Variants in DDB2 observed in about 807,000 individuals in gnomAD.
The protein encoded by DDB2 is damage specific DNA binding protein 2.
In DDB2, 27 loss-of-function variants were observed where a neutral mutation model predicts 50.5. The ratio of observed to expected loss-of-function variants is 0.53; its 90% CI spans 0.39 to 0.74. The LOEUF (loss-of-function observed/expected upper bound fraction) is 0.74, where lower values mean the gene tolerates loss of function less well. DDB2 is among the 30% of genes least tolerant of loss of function. The pLI, the probability that DDB2 is intolerant of heterozygous loss-of-function variation, is 0.00. For synonymous variants in DDB2, 176 were observed against 205.5 expected, an observed-to-expected ratio of 0.86 and a Z score of 1.23; for missense variants, 424 against 545.6, an observed-to-expected ratio of 0.78 and a Z score of 2.22.
intron 3 of DDB2, among the ~76,000 whole-genome samples, chr11:47,221,019 C>T (rs1390705941): frequency 1.3e-5 from 2 of 151,606 alleles, no homozygotes; most frequent in Non-Finnish European, 2.9e-5. Flanking sequence ...AAAAATTAGC[C>T]GGGAGTAGTG....
At chr11:47,235,542 G>C in intron 7 of DDB2, 130 bp downstream of exon 7, 1 of 945,406 alleles carries the variant, frequency 1.1e-6, no homozygotes, top group Admixed American at 2.0e-5. Flanking sequence ...CGAGCACAGA[G>C]CATCTCTTAC....
chr11:47,220,085 A>C (rs1953461658), intron 3 of DDB2: 1 of 152,716 alleles, frequency 6.5e-6, no homozygotes, highest in Non-Finnish European at 1.5e-5. Flanking sequence ...CACTGCACCC[A>C]GCCAGCAGGA....
rs1402729333 is a variant in DDB2, at chr11:47,234,576, C to A, written c.606C>A (p.Ile202=). Residue 202 remains isoleucine (I), a synonymous_variant, in exon 5 of 10, where the codon ATC becomes ATA. Coordinates refer to ENST00000256996, the MANE Select transcript of DDB2 (RefSeq NM_000107.3). The part of the protein sequence containing the change: ...RVFASSDTIN[I]WFCSLDVSAS... Reference sequence around the variant, plus strand: ...ACAACACAGTCTCTCCCTCCAGCATCTGGTTTTGTAGCCTGGATGTGTCTG... The same window carrying A: ...ACAACACAGTCTCTCCCTCCAGCATATGGTTTTGTAGCCTGGATGTGTCTG... 2.5e-6 allele frequency: 4 copies of A among 1,613,802 alleles called. No homozygotes were observed. The Admixed American group carries it at 6.7e-5, about 27-fold the overall frequency.
chr11:47,225,256 A>G (rs1463478168), intron 3 of DDB2, among the ~76,000 whole-genome samples: 1 of 17,388 alleles, frequency 5.8e-5, no homozygotes, highest in Non-Finnish European at 3.9e-4. Flanking sequence ...TGTGTCTTTA[A>G]AAAAAAAAAA....
At chr11:47,220,139 G>A (rs945314158) in intron 3 of DDB2, 2 of 152,458 alleles carry the variant, frequency 1.3e-5, no homozygotes, top group Admixed American at 6.6e-5. Context: ...CACCAGAAAA[G>A]GCCAGGTTAG....
At chr11:47,214,879 G>T (rs4647706), upstream of DDB2, 1,317 of 530,316 alleles carry the variant, frequency 2.5e-3, 13 homozygotes, top group African/African-American at 0.023. Flanking sequence ...TCCCGGGAGC[G>T]CTGGCACCGC....
At chr11:47,219,405 G>C (rs954322762) in intron 3 of DDB2, among the ~76,000 whole-genome samples, 1 of 151,912 alleles carries the variant, frequency 6.6e-6, no homozygotes, top group Non-Finnish European at 1.5e-5. Flanking sequence ...CTGTCACCCA[G>C]GCTGGAGTGC....
intron 2 of DDB2, 121 bp downstream of exon 2, chr11:47,216,593 T>C: frequency 5.7e-6 from 8 of 1,415,760 alleles, no homozygotes; most frequent in Non-Finnish European, 7.8e-6. Flanking sequence ...TCACCCAGAC[T>C]GTGGTGACTG....
intron 7 of DDB2, among the ~76,000 whole-genome samples, chr11:47,236,413 G>C (rs1286702124): frequency 6.6e-6 from 1 of 152,140 alleles, no homozygotes; most frequent in Non-Finnish European, 1.5e-5. Flanking sequence ...ACTGAGCTCT[G>C]CTAGTTCTGC....
At chr11:47,232,063 G>A (rs1296768858) in intron 3 of DDB2, among the ~76,000 whole-genome samples, 2 of 152,124 alleles carry the variant, frequency 1.3e-5, no homozygotes, top group Non-Finnish European at 2.9e-5. Flanking sequence ...ATGAAGGGAG[G>A]CGGGGCACGG....
In DDB2 at chr11:47,237,929, C is replaced by G; in HGVS notation, c.1116C>G (p.Ile372Met). The change falls in exon 8 of 10, where the codon ATC becomes ATG. Residue 372 changes from isoleucine (I) to methionine (M), a missense_variant. Transcript: ENST00000256996. ...GTACCCCTTATGAATTGAGGACGAT[C>G]GACGTGTTCGATGGAAACTCAGGGA... ...KSCTPYELRT[I>M]DVFDGNSGKM... 1 of 1,614,076 alleles carries G rather than the reference C, an allele frequency of 6.2e-7. No homozygotes were observed. The highest frequency in any genetic ancestry group is 8.5e-7 in the Non-Finnish European group (1 of 1,180,014).
chr11:47,215,302 T>TA, intron 1 of DDB2, 39 bp downstream of exon 1: 1 of 1,612,486 alleles, frequency 6.2e-7, no homozygotes, highest in East Asian at 2.2e-5. Context: ...TTCCGCCTTT[T>TA]AGGGTGCTCG....
intron 3 of DDB2, chr11:47,220,192 C>T (rs570976229): frequency 6.6e-6 from 1 of 152,336 alleles, no homozygotes; most frequent in African/African-American, 2.4e-5. Context: ...GATGGGTGTT[C>T]AAGGAACAAG....
chr11:47,221,127 C>T (rs1953478947), intron 3 of DDB2, among the ~76,000 whole-genome samples: 1 of 151,952 alleles, frequency 6.6e-6, no homozygotes, highest in African/African-American at 2.4e-5. Context: ...GGTGCCACTG[C>T]ACTCCAGCCT....
At chr11:47,238,744 G>C (rs1188257405) in intron 9 of DDB2, 56 bp from the exon 10 acceptor site, 2 of 1,598,128 alleles carry the variant, frequency 1.3e-6, no homozygotes, top group East Asian at 4.5e-5. Context: ...GCCAGCCCCA[G>C]GCTCTGAGAG....
At chr11:47,222,071 A>C (rs1190657235) in intron 3 of DDB2, among the ~76,000 whole-genome samples, 1 of 152,200 alleles carries the variant, frequency 6.6e-6, no homozygotes, top group Non-Finnish European at 1.5e-5. Flanking sequence ...CACCACAATT[A>C]AAATAACTCC....
At chr11:47,230,658 A>G (rs1369218991) in intron 3 of DDB2, among the ~76,000 whole-genome samples, 1 of 152,124 alleles carries the variant, frequency 6.6e-6, no homozygotes, top group Non-Finnish European at 1.5e-5. Context: ...TGTTTTATAG[A>G]GGGAAGGGAA....
At chr11:47,238,620 G>A (rs778315100) in intron 9 of DDB2, among the ~76,000 whole-genome samples, 180 bp from the exon 10 acceptor site, 1 of 151,938 alleles carries the variant, frequency 6.6e-6, no homozygotes, top group Non-Finnish European at 1.5e-5. Flanking sequence ...GGATGGTCTC[G>A]GTCTCCTGAC....
intron 1 of DDB2, 29 bp from the exon 2 acceptor site, chr11:47,216,307 G>A (rs1275314593): frequency 6.2e-7 from 1 of 1,614,120 alleles, no homozygotes. Context: ...TGAGATTGGA[G>A]AGGAAAATAT....
Sources: allele counts gnomAD v4.1 joint callset (sites outside exome capture counted in the v4.1 genomes callset), GRCh38; gene constraint gnomAD v4.1.1; transcripts MANE v1.5; gene names NCBI Gene and HGNC (gene_info 2026-07-23, HGNC 2026-07-21).